Variants in TARBP1 observed in about 807,000 individuals in gnomAD.
TARBP1 encodes tRNA (guanosine(18)-2'-O)-methyltransferase TARBP1.
TARBP1 carries 144 observed loss-of-function variants against 178.6 expected under a neutral mutation model. The observed-to-expected ratio is 0.81, with a 90% CI of 0.70 to 0.93. The LOEUF (loss-of-function observed/expected upper bound fraction) is 0.93, where lower values mean the gene tolerates loss of function less well. TARBP1 is among the 40% of genes least tolerant of loss of function. The pLI is 0.00. For missense variants in TARBP1, 2,067 were observed against 2,011.7 expected, an observed-to-expected ratio of 1.03 and a Z score of -0.53; for synonymous variants, 787 against 781.0, an observed-to-expected ratio of 1.01 and a Z score of -0.13.
intron 20 of TARBP1, among the ~76,000 whole-genome samples, chr1:234,424,758 T>G (rs1317749662): frequency 6.6e-6 from 1 of 151,910 alleles, no homozygotes; most frequent in Non-Finnish European, 1.5e-5. Context: ...AAACCCTGTC[T>G]CTGCTAAAAA....
Position 234,478,309 on chromosome 1 carries a change from G to A in TARBP1, c.795C>T (p.Phe265=), listed in dbSNP as rs905379019. The A allele has an allele frequency of 6.7e-6, 10 of 1,496,652 alleles. No homozygotes were observed. In the African/African-American group the frequency reaches 8.7e-5, roughly 13 times the overall value. The allele number at this position is 1,496,652 out of a possible 1,614,324, so 92.7% of individuals were successfully genotyped here. ...CCAGCCCCGCCTGCACCGTCCTCCA[G>A]AAGCGCCAGCAGCGCCGGGCGTCCG... ...AGPDARRCWR[F]WRTVQAGLGQ... The change falls in exon 1 of 30, where the codon TTC becomes TTT. Residue 265 remains phenylalanine, a synonymous_variant. Coordinates refer to ENST00000040877, the MANE Select transcript of TARBP1 (RefSeq NM_005646.4).
rs574184358 is a variant in TARBP1, at chr1:234,427,028, CA to C, written c.3323+288del. Among the ~76,000 whole-genome samples the C allele has an allele frequency of 1.5e-4, 23 of 152,296 alleles. 1 individual carries two copies. The highest frequency in any genetic ancestry group is 3.4e-3 in the Middle Eastern group (1 of 294). On this transcript the variant is annotated intron_variant, in intron 19 of 29. Coordinates refer to ENST00000040877, the MANE Select transcript of TARBP1 (RefSeq NM_005646.4). ...TGTGCTGATAATCATCCCATCCCCG[CA>C]AAAGAAAGACAGGGGCTTTAAGCTC...
At chr1:234,445,953 A>T (rs1015426361) in intron 12 of TARBP1, among the ~76,000 whole-genome samples, 8 of 152,212 alleles carry the variant, frequency 5.3e-5, no homozygotes, top group African/African-American at 1.9e-4. Flanking sequence ...GACAGCGCCA[A>T]TGAATTCAAA....
intron 20 of TARBP1, among the ~76,000 whole-genome samples, chr1:234,424,755 G>A (rs1558184697): frequency 6.6e-6 from 1 of 151,936 alleles, no homozygotes; most frequent in African/African-American, 2.4e-5. Flanking sequence ...GTGAAACCCT[G>A]TCTCTGCTAA....
chr1:234,458,344 C>CA (rs1285803745), intron 8 of TARBP1, among the ~76,000 whole-genome samples: 33 of 140,978 alleles, frequency 2.3e-4, no homozygotes, highest in Admixed American at 7.8e-4. Context: ...AACTCTGTCT[C>CA]AAAAAAAAAA....
At chr1:234,443,213 C>T (rs1279771593) in intron 12 of TARBP1, among the ~76,000 whole-genome samples, 4 of 151,462 alleles carry the variant, frequency 2.6e-5, no homozygotes, top group Non-Finnish European at 4.4e-5. Context: ...TCACTTGAAC[C>T]CGGGAGGCAA....
chr1:234,478,461 C>T lies in TARBP1; in HGVS notation c.643G>A (p.Ala215Thr), dbSNP rs753192642. The change falls in exon 1 of 30, where the codon GCC (alanine) becomes ACC (threonine). Residue 215 changes from alanine to threonine, a missense_variant. Transcript: ENST00000040877. ...GACCCCAGGGACGCCCCAGGCGCGG[C>T]CAGCCCGCCCCACACGGCCCGCAGC... ...AALRAVWGGL[A>T]APGASLGSGR... is the part of the protein sequence containing the mutation. 8.0e-6 allele frequency: 11 copies of T among 1,381,216 alleles called. No individual in the cohort carries two copies. In the South Asian group the frequency reaches 1.3e-4, roughly 17 times the overall value. The allele number at this position is 1,381,216 out of a possible 1,614,324, so 85.6% of individuals were successfully genotyped here. A position where few individuals can be genotyped will look rare whatever the true frequency, so the allele number is the denominator to read the frequency against.
chr1:234,433,699 T>C, intron 13 of TARBP1, 128 bp from the exon 14 acceptor site: 2 of 901,524 alleles, frequency 2.2e-6, no homozygotes, highest in Non-Finnish European at 1.7e-6. Context: ...AATAAGTTCT[T>C]TTCTCCAAGC....
intron 12 of TARBP1, among the ~76,000 whole-genome samples, chr1:234,444,263 T>C (rs1201270101): frequency 6.6e-6 from 1 of 152,070 alleles, no homozygotes; most frequent in Non-Finnish European, 1.5e-5. Context: ...ATTCAGCCAG[T>C]AGTGAGGACA....
intron 22 of TARBP1, among the ~76,000 whole-genome samples, chr1:234,410,844 G>T (rs1445384558): frequency 6.6e-6 from 1 of 152,234 alleles, no homozygotes; most frequent in African/African-American, 2.4e-5. Context: ...AGGCTGAGGC[G>T]GGTGGATCAT....
At chr1:234,413,845 A>G (rs1433721293) in intron 22 of TARBP1, among the ~76,000 whole-genome samples, 2 of 152,220 alleles carry the variant, frequency 1.3e-5, no homozygotes, top group African/African-American at 4.8e-5. Flanking sequence ...GCAGGGACAG[A>G]AGAGAGAGAA....
rs1484868092 is a variant in TARBP1 at position 234,478,619 on chromosome 1, C to A, written c.485G>T (p.Arg162Leu). The A allele has an allele frequency of 5.4e-6, 7 of 1,306,106 alleles. No homozygotes were observed. In the Admixed American group the frequency reaches 2.2e-4, roughly 41 times the overall value. 80.9% of individuals were successfully genotyped at this position (1,306,106 alleles called of 1,614,324 possible). ...RPREDGPLLE[R>L]VAGTAVALAL... is the part of the protein sequence containing the mutation. ...CAGGGCGACGGCGGTCCCCGCCACG[C>A]GCTCCAGTAGCGGCCCGTCCTCGCG... The change falls in exon 1 of 30, where the codon CGC (arginine) becomes CTC (leucine). Residue 162 changes from arginine to leucine, a missense_variant. Arg to Leu is a moderately radical substitution (Grantham distance 102, BLOSUM62 -2). Coordinates refer to ENST00000040877, the MANE Select transcript of TARBP1 (RefSeq NM_005646.4).
At position 234,478,239 on chromosome 1, in the gene TARBP1, G is replaced by A. The variant is rs919637784; in HGVS notation, c.865C>T (p.Gln289Ter). 1.2e-6 allele frequency: 2 copies of A among 1,610,728 alleles called. No homozygotes were observed. The highest frequency in any genetic ancestry group is 1.1e-5 in the South Asian group (1 of 90,850). ...TCCGCCGACACCTCCACCGCCCTCT[G>A]CAGCAGGTAGCGCGCTCGCTTGCGC... ...LTRKRARYLL[Q>*]RAVEVSAELG... The change falls in exon 1 of 30, where the codon CAG becomes TAG. Residue 289 changes from glutamine (Q) to a stop codon, truncating the protein, a stop_gained. Transcript: ENST00000040877. LOFTEE classifies it high-confidence loss of function.
chr1:234,397,985 C>T (rs1352614705), intron 26 of TARBP1, among the ~76,000 whole-genome samples: 6 of 151,412 alleles, frequency 4.0e-5, no homozygotes, highest in Non-Finnish European at 7.4e-5. Flanking sequence ...GAATCAAGAG[C>T]TCTGCTTTAT....
rs775646970 is a variant in TARBP1 at position 234,467,532 on chromosome 1, C to T, written c.1218G>A (p.Lys406=). The change falls in exon 4 of 30, where the codon AAG becomes AAA. Residue 406 remains lysine (K), a synonymous_variant. Coordinates refer to ENST00000040877, the MANE Select transcript of TARBP1 (RefSeq NM_005646.4). ...VIHFLELYET[K]ILPFSPEFSE... is the part of the protein sequence containing the mutation. ...AAAATTCTGGTGAAAATGGAAGAAT[C>T]TTTGTTTCATACAGCTCCAAAAAAT... The T allele has an allele frequency of 3.8e-6, 6 of 1,595,452 alleles. No homozygotes were observed. In the East Asian group the frequency reaches 1.4e-4, roughly 37 times the overall value.
At position 234,465,710 on chromosome 1, in the gene TARBP1, TAAAAA is replaced by T; in HGVS notation, c.1249-7_1249-3del. The T allele has an allele frequency of 3.5e-5, 45 of 1,270,392 alleles. No homozygotes were observed. Among genetic ancestry groups the T allele is most frequent in the East Asian group, 2.3e-4 (8 of 34,450 alleles). 78.7% of individuals were successfully genotyped at this position (1,270,392 alleles called of 1,614,324 possible). A position where few individuals can be genotyped will look rare whatever the true frequency, so the allele number is the denominator to read the frequency against. On this transcript the variant is annotated splice_polypyrimidine_tract_variant and splice_region_variant and intron_variant, in intron 4 of 29. Transcript: ENST00000040877. ...ATCCATTAATGGTCCAATAATAAAC[TAAAAA>T]AAAAAAAAAAAAAAGACACGTAATT... is the stretch of plus-strand genomic sequence containing the variant.
intron 24 of TARBP1, among the ~76,000 whole-genome samples, chr1:234,404,139 T>C (rs994133004): frequency 6.6e-5 from 10 of 152,230 alleles, no homozygotes; most frequent in African/African-American, 2.2e-4. Flanking sequence ...AAATTTAGAA[T>C]AGGATCAACA....
At chr1:234,404,234 G>A (rs995691146) in intron 24 of TARBP1, among the ~76,000 whole-genome samples, 4 of 152,058 alleles carry the variant, frequency 2.6e-5, no homozygotes, top group African/African-American at 9.7e-5. Context: ...GCCTATCTGC[G>A]TGTTAAATTA....
chr1:234,436,956 T>G (rs1296515426), intron 13 of TARBP1, among the ~76,000 whole-genome samples: 2 of 152,204 alleles, frequency 1.3e-5, no homozygotes, highest in African/African-American at 4.8e-5. Context: ...CATCAGAATC[T>G]TGGGATTGGG....
Sources: allele counts gnomAD v4.1 joint callset (sites outside exome capture counted in the v4.1 genomes callset), GRCh38; gene constraint gnomAD v4.1.1; transcripts MANE v1.5; gene names NCBI Gene and HGNC (gene_info 2026-07-23, HGNC 2026-07-21).